The following GULP1 variants were observed in gnomAD, a reference collection of about 807,000 sequenced individuals.
GULP1 encodes the protein GULP PTB domain containing engulfment adaptor 1.
GULP1 carries 19 observed loss-of-function variants against 40.9 expected under a neutral mutation model. That is an observed-to-expected ratio of 0.46 (90% CI 0.32 to 0.68). The LOEUF (loss-of-function observed/expected upper bound fraction) is 0.68, where lower values mean the gene tolerates loss of function less well. Among genes scored for constraint, GULP1 ranks in the 30% least tolerant of loss-of-function variants. The probability of loss-of-function intolerance (pLI) is 0.03; values close to 1 mark genes in which losing one functional copy is unlikely to be tolerated. For missense variants in GULP1, 312 were observed against 362.2 expected, an observed-to-expected ratio of 0.86 and a Z score of 1.12; for synonymous variants, 119 against 117.6, an observed-to-expected ratio of 1.01 and a Z score of -0.08.
intron 4 of GULP1, among the ~76,000 whole-genome samples, chr2:188,506,196 A>G (rs2063895578): frequency 1.3e-5 from 2 of 151,858 alleles, no homozygotes; most frequent in Non-Finnish European, 2.9e-5. Context: ...TGTCATAAGC[A>G]TACTTGCTAA....
At chr2:188,346,465 C>A (rs1053614486) in intron 1 of GULP1, among the ~76,000 whole-genome samples, 2 of 151,620 alleles carry the variant, frequency 1.3e-5, no homozygotes, top group African/African-American at 4.8e-5. Context: ...AGATTTTTTA[C>A]AACAATAATC....
At chr2:188,511,837 A>G (rs1409762819) in intron 4 of GULP1, among the ~76,000 whole-genome samples, 1 of 152,186 alleles carries the variant, frequency 6.6e-6, no homozygotes, top group African/African-American at 2.4e-5. Flanking sequence ...ATATTTTAAA[A>G]ATTTTCTATC....
intron 1 of GULP1, among the ~76,000 whole-genome samples, chr2:188,363,291 G>C (rs1389461254): frequency 6.6e-6 from 1 of 152,046 alleles, no homozygotes; most frequent in Admixed American, 6.6e-5. Flanking sequence ...ATGGTTACTT[G>C]GTGTGTGGAT....
At chr2:188,305,412 C>T (rs2036884082) in intron 1 of GULP1, among the ~76,000 whole-genome samples, 1 of 152,104 alleles carries the variant, frequency 6.6e-6, no homozygotes, top group Non-Finnish European at 1.5e-5. Flanking sequence ...TGATCTAAAC[C>T]CAGAAAGGCC....
chr2:188,504,865 T>C (rs763966305), intron 4 of GULP1, among the ~76,000 whole-genome samples: 8 of 151,792 alleles, frequency 5.3e-5, no homozygotes, highest in Non-Finnish European at 1.0e-4. Flanking sequence ...AGTCATAGCC[T>C]ACTTTCTGAA....
intron 3 of GULP1, among the ~76,000 whole-genome samples, chr2:188,482,649 G>T (rs1296626809): frequency 6.6e-6 from 1 of 151,220 alleles, no homozygotes; most frequent in Non-Finnish European, 1.5e-5. Flanking sequence ...AAATATGTGG[G>T]CTATATTAAT....
chr2:188,294,853 C>G (rs1407690514), intron 1 of GULP1, among the ~76,000 whole-genome samples: 1 of 152,174 alleles, frequency 6.6e-6, no homozygotes, highest in African/African-American at 2.4e-5. Context: ...ATTTCTGACT[C>G]AGCTGACTCA....
At chr2:188,442,766 C>T (rs973919977) in intron 2 of GULP1, among the ~76,000 whole-genome samples, 10 of 152,276 alleles carry the variant, frequency 6.6e-5, no homozygotes, top group Admixed American at 5.9e-4. Flanking sequence ...TATGATATGA[C>T]ACAGCTGAAT....
At chr2:188,346,604 T>G (rs529479411) in intron 1 of GULP1, among the ~76,000 whole-genome samples, 5 of 151,512 alleles carry the variant, frequency 3.3e-5, no homozygotes, top group Non-Finnish European at 5.9e-5. Context: ...GCCATTCTCC[T>G]GCCTCAGCCT....
chr2:188,467,831 G>T (rs1228515819), intron 2 of GULP1, among the ~76,000 whole-genome samples: 1 of 152,040 alleles, frequency 6.6e-6, no homozygotes, highest in Non-Finnish European at 1.5e-5. Flanking sequence ...AGATGGTCTA[G>T]TGCTCGCTTT....
intron 2 of GULP1, among the ~76,000 whole-genome samples, chr2:188,387,960 ATGCTGGTG>A (rs1486312480): frequency 1.3e-5 from 2 of 151,878 alleles, no homozygotes; most frequent in East Asian, 1.9e-4. Flanking sequence ...TACATGTGCC[ATGCTGGTG>A]TGCTGCACCC....
At chr2:188,467,748 G>A (rs1483418218) in intron 2 of GULP1, among the ~76,000 whole-genome samples, 1 of 151,890 alleles carries the variant, frequency 6.6e-6, no homozygotes, top group Non-Finnish European at 1.5e-5. Context: ...ATTGACATAT[G>A]AGATACTAAA....
chr2:188,515,907 T>A (rs1016937254), intron 4 of GULP1, among the ~76,000 whole-genome samples: 1 of 152,206 alleles, frequency 6.6e-6, no homozygotes, highest in African/African-American at 2.4e-5. Flanking sequence ...TTTTATCAAA[T>A]AATCTATGTC....
At chr2:188,566,009 T>C (rs1287418254) in intron 7 of GULP1, among the ~76,000 whole-genome samples, 2 of 152,096 alleles carry the variant, frequency 1.3e-5, no homozygotes, top group African/African-American at 4.8e-5. Flanking sequence ...TCGTCACCCA[T>C]AATAGATGAG....
intron 1 of GULP1, among the ~76,000 whole-genome samples, chr2:188,356,625 C>A (rs141451582): frequency 2.8e-4 from 42 of 152,162 alleles, no homozygotes; most frequent in African/African-American, 9.9e-4. Context: ...CAATGATCTG[C>A]AGATTGAATG....
chr2:188,447,709 T>C (rs532868242), intron 2 of GULP1, among the ~76,000 whole-genome samples: 19 of 152,090 alleles, frequency 1.2e-4, no homozygotes, highest in Non-Finnish European at 2.4e-4. Context: ...AAAGTACTGG[T>C]GCATTGCTAG....
At chr2:188,477,962 A>G (rs2061153448) in intron 3 of GULP1, among the ~76,000 whole-genome samples, 1 of 152,162 alleles carries the variant, frequency 6.6e-6, no homozygotes, top group African/African-American at 2.4e-5. Context: ...ATGTGATAAT[A>G]TGTCGCCTGG....
intron 7 of GULP1, among the ~76,000 whole-genome samples, chr2:188,555,369 T>A (rs1200117140): frequency 3.3e-5 from 5 of 152,190 alleles, no homozygotes; most frequent in African/African-American, 1.2e-4. Flanking sequence ...TGTTTCCAGG[T>A]TTAAGACTTC....
At chr2:188,512,467 A>G (rs2064683895) in intron 4 of GULP1, among the ~76,000 whole-genome samples, 1 of 152,110 alleles carries the variant, frequency 6.6e-6, no homozygotes, top group South Asian at 2.1e-4. Context: ...CATTTTTGTT[A>G]TAAATGATGT....
Sources: gnomAD v4.1 joint callset for allele counts (sites outside exome capture counted in the v4.1 genomes callset) on GRCh38, gnomAD v4.1.1 for gene constraint, MANE v1.5 for transcripts, NCBI Gene and HGNC (gene_info 2026-07-23, HGNC 2026-07-21) for gene names.